PHF24: variants seen among roughly 807,000 people sequenced by gnomAD.
The protein encoded by PHF24 is Galpha inhibitory interacting protein.
A neutral mutation model predicts 42.6 loss-of-function variants in PHF24; 25 were observed. The ratio of observed to expected loss-of-function variants is 0.59; its 90% CI spans 0.43 to 0.82. PHF24 has a LOEUF of 0.82. PHF24 is among the 40% of genes least tolerant of loss of function. The probability of loss-of-function intolerance (pLI) is 0.00; values close to 1 mark genes in which losing one functional copy is unlikely to be tolerated. For missense variants in PHF24, 470 were observed against 538.1 expected (o/e 0.87, Z 1.25); for synonymous variants, 185 against 204.8 (o/e 0.90, Z 0.83).
chr9:34,756,399 C>T, the PHF24 span, among the ~76,000 whole-genome samples: 6 of 152,080 alleles, frequency 3.9e-5, no homozygotes, highest in East Asian at 1.9e-4. Context: ...GTGCCTGGCC[C>T]GATTTTTTTG....
the PHF24 span, among the ~76,000 whole-genome samples, chr9:34,699,216 T>G: frequency 2.0e-5 from 3 of 152,250 alleles, no homozygotes; most frequent in Non-Finnish European, 2.9e-5. Context: ...GTTTTCTGCT[T>G]CTTCTTCTGA....
chr9:34,977,368 G>T, intron 6 of PHF24, 125 bp downstream of exon 6: 1 of 1,290,750 alleles, frequency 7.7e-7, no homozygotes, highest in Non-Finnish European at 1.1e-6. Flanking sequence ...TGTGCATTAG[G>T]TAGAGGATGG....
the PHF24 span, among the ~76,000 whole-genome samples, chr9:34,717,363 T>C: frequency 6.6e-6 from 1 of 151,948 alleles, no homozygotes; most frequent in Non-Finnish European, 1.5e-5. Context: ...GACCTGGTTC[T>C]TCATGGTTTC....
chr9:34,894,331 A>G, the PHF24 span: 2 of 396,756 alleles, frequency 5.0e-6, no homozygotes, highest in African/African-American at 4.1e-5. Flanking sequence ...TCCACTGTGT[A>G]TGTCTCCCTC....
chr9:34,903,890 G>A, the PHF24 span, among the ~76,000 whole-genome samples: 29,670 of 152,066 alleles, frequency 0.2, 3,093 homozygotes, highest in South Asian at 0.29. Flanking sequence ...GAAGACTTTT[G>A]ACTCCTTGGT....
chr9:34,873,354 T>C, the PHF24 span, among the ~76,000 whole-genome samples: 1 of 152,150 alleles, frequency 6.6e-6, no homozygotes, highest in Non-Finnish European at 1.5e-5. Flanking sequence ...CATGTAAGTC[T>C]TTAATCCATC....
At chr9:34,831,887 A>T in the PHF24 span, among the ~76,000 whole-genome samples, 1 of 152,208 alleles carries the variant, frequency 6.6e-6, no homozygotes, top group Non-Finnish European at 1.5e-5. Context: ...AACAGGGAGA[A>T]GTCAGAGGAG....
At chr9:34,934,485 C>G in the PHF24 span, among the ~76,000 whole-genome samples, 1 of 151,866 alleles carries the variant, frequency 6.6e-6, no homozygotes, top group South Asian at 2.1e-4. Flanking sequence ...GAGAGCTGTC[C>G]CTCATTCCTC....
chr9:34,893,348 C>T, the PHF24 span, among the ~76,000 whole-genome samples: 1 of 152,100 alleles, frequency 6.6e-6, no homozygotes, highest in African/African-American at 2.4e-5. Flanking sequence ...TGCCTCTAAT[C>T]CTAGCACTTT....
At chr9:34,689,860 A>C in the PHF24 span, 29 of 1,614,176 alleles carry the variant, frequency 1.8e-5, no homozygotes, top group Non-Finnish European at 2.3e-5. The surrounding 1 kb of genome is among the most constrained non-coding windows in gnomAD (Gnocchi z 4.1). Context: ...AAGGAGAGGA[A>C]GGATCATGGG....
chr9:34,925,642 A>G, the PHF24 span, among the ~76,000 whole-genome samples: 2 of 151,906 alleles, frequency 1.3e-5, no homozygotes, highest in Non-Finnish European at 2.9e-5. Context: ...CTTTTGTATG[A>G]TATCTATCTC....
chr9:34,685,204 A>G, the PHF24 span, among the ~76,000 whole-genome samples: 1 of 151,358 alleles, frequency 6.6e-6, no homozygotes, highest in Admixed American at 6.6e-5. Flanking sequence ...CTCTACCCCT[A>G]CCCTCCAGAT....
At chr9:34,716,838 G>A in the PHF24 span, among the ~76,000 whole-genome samples, 1 of 152,168 alleles carries the variant, frequency 6.6e-6, no homozygotes, top group Non-Finnish European at 1.5e-5. Flanking sequence ...CAACTCTTGA[G>A]CTCAAAGCGA....
chr9:34,834,480 G>A, the PHF24 span: 1 of 1,551,814 alleles, frequency 6.4e-7, no homozygotes, highest in Non-Finnish European at 8.7e-7. Context: ...ATCTTCTGAG[G>A]CAGGCCCCAG....
the PHF24 span, among the ~76,000 whole-genome samples, chr9:34,896,396 C>CGAA: frequency 2.6e-5 from 4 of 152,160 alleles, no homozygotes; most frequent in Non-Finnish European, 5.9e-5. Context: ...AAGGACTTCT[C>CGAA]CCAATCTGCG....
the PHF24 span, among the ~76,000 whole-genome samples, chr9:34,686,095 G>C: frequency 6.6e-6 from 1 of 152,206 alleles, no homozygotes; most frequent in Non-Finnish European, 1.5e-5. Flanking sequence ...CTAATACTCA[G>C]AGCCATGTCC....
the PHF24 span, among the ~76,000 whole-genome samples, chr9:34,876,082 C>T: frequency 1.3e-5 from 2 of 151,826 alleles, no homozygotes; most frequent in Non-Finnish European, 2.9e-5. Context: ...ATGTTTATGA[C>T]AGAAAGGGAT....
chr9:34,945,854 A>G, the PHF24 span, among the ~76,000 whole-genome samples: 1 of 152,240 alleles, frequency 6.6e-6, no homozygotes, highest in African/African-American at 2.4e-5. Flanking sequence ...GCAGCAGAAA[A>G]TAGACTAAGA....
chr9:34,767,510 G>C, the PHF24 span, among the ~76,000 whole-genome samples: 1 of 152,248 alleles, frequency 6.6e-6, no homozygotes, highest in Non-Finnish European at 1.5e-5. Flanking sequence ...CTCCAAGCCA[G>C]GTGCGGGATA....
Sources: allele counts gnomAD v4.1 joint callset (sites outside exome capture counted in the v4.1 genomes callset), GRCh38; gene constraint gnomAD v4.1.1; non-coding constraint Gnocchi (gnomAD v3.1); transcripts MANE v1.5; gene names NCBI Gene and HGNC (gene_info 2026-07-23, HGNC 2026-07-21).